The following ZFHX2 variants were observed in gnomAD, a reference collection of about 807,000 sequenced individuals.
ZFHX2 encodes the protein zinc finger homeobox 2.
Under a neutral mutation model 164.8 loss-of-function variants are expected in ZFHX2, and 75 were observed. That is an observed-to-expected ratio of 0.46 (90% CI 0.38 to 0.55). The LOEUF (loss-of-function observed/expected upper bound fraction) is 0.55, where lower values mean the gene tolerates loss of function less well. Ranked by LOEUF, ZFHX2 falls within the 20% of genes least tolerant of loss-of-function variation. The probability of loss-of-function intolerance (pLI) is 0.00; values close to 1 mark genes in which losing one functional copy is unlikely to be tolerated. For synonymous variants in ZFHX2, 1,217 were observed against 1,351.4 expected, an observed-to-expected ratio of 0.90 and a Z score of 2.18; for missense variants, 2,933 against 3,308.0, an observed-to-expected ratio of 0.89 and a Z score of 2.78.
In ZFHX2 at chr14:23,523,745, C is replaced by G. The variant is rs781082212; in HGVS notation, c.6197G>C (p.Arg2066Pro). The change falls in exon 9 of 10, where the codon CGG (arginine) becomes CCG (proline). Residue 2066 changes from arginine to proline, a missense_variant. Coordinates refer to ENST00000419474, the MANE Select transcript of ZFHX2 (RefSeq NM_033400.3). This position sits in a 1 kb window ranked among gnomAD's most constrained non-coding sequence, Gnocchi z 4.1. ...GCTGCTCATCTGGGTCCTGTAGCGC[C>G]GCTGCCCCATTCCATCTGGAACCCC... is the stretch of plus-strand genomic sequence containing the variant. ...GTGVPDGMGQ[R>P]RYRTQMSSLQ... 1.4e-5 allele frequency: 22 copies of G among 1,536,270 alleles called. No individual in the cohort carries two copies. The highest frequency in any genetic ancestry group is 1.9e-5 in the Non-Finnish European group (22 of 1,146,940).
rs527256912 is a variant in ZFHX2 at position 23,532,894 on chromosome 14, G to C, written c.2232C>G (p.Ser744Arg). 1.3e-6 allele frequency: 2 copies of C among 1,536,102 alleles called. No individual in the cohort carries two copies. The highest frequency in any genetic ancestry group is 1.7e-6 in the Non-Finnish European group (2 of 1,146,942). The change falls in exon 3 of 10, where the codon AGC (serine) becomes AGG (arginine). Residue 744 changes from serine (S) to arginine (R), a missense_variant. Coordinates refer to ENST00000419474, the MANE Select transcript of ZFHX2 (RefSeq NM_033400.3). ...LLLYHCSIGR[S>R]LPEAEWKEVA... Reference sequence around the variant, plus strand: ...CCTCCTTCCATTCAGCTTCCGGGAGGCTCCGGCCTATGCTGCAGTGGTAGA... The same window carrying C: ...CCTCCTTCCATTCAGCTTCCGGGAGCCTCCGGCCTATGCTGCAGTGGTAGA...
Position 23,533,829 on chromosome 14 carries a change from C to T in ZFHX2, c.1497G>A (p.Glu499=). 6.5e-7 allele frequency: 1 copy of T among 1,542,350 alleles called. No individual in the cohort carries two copies. The highest frequency in any genetic ancestry group is 8.7e-7 in the Non-Finnish European group (1 of 1,150,002). The change falls in exon 2 of 10, where the codon GAG becomes GAA. Residue 499 remains glutamate (E), a synonymous_variant. Coordinates refer to ENST00000419474, the MANE Select transcript of ZFHX2 (RefSeq NM_033400.3). This position sits in a 1 kb window ranked among gnomAD's most constrained non-coding sequence, Gnocchi z 4.8. Reference sequence around the variant, plus strand: ...AGGGTTTGTAGCCACAGTTGTAGCTCTCTCCACGAGCAAGGCGGGGGTGGG... The same window carrying T: ...AGGGTTTGTAGCCACAGTTGTAGCTTTCTCCACGAGCAAGGCGGGGGTGGG... ...GGAHPRLARG[E]SYNCGYKPYR...
rs1881892271 is a variant in ZFHX2 at position 23,551,001 on chromosome 14, C to T, written c.-50+342G>A. Among the ~76,000 whole-genome samples, 1 of 152,016 alleles carries T rather than the reference C, an allele frequency of 6.6e-6. No homozygotes were observed. The highest frequency in any genetic ancestry group is 1.5e-5 in the Non-Finnish European group (1 of 68,006). Reference sequence around the variant, plus strand: ...GATCCCCGCTCCCTGCCCAACTCGGCGCGGTCCGTCTAGGCTTTCCATACC... The same window carrying T: ...GATCCCCGCTCCCTGCCCAACTCGGTGCGGTCCGTCTAGGCTTTCCATACC... On this transcript the variant is annotated intron_variant, in intron 1 of 9. Coordinates refer to ENST00000419474, the MANE Select transcript of ZFHX2 (RefSeq NM_033400.3). This position sits in a 1 kb window ranked among gnomAD's most constrained non-coding sequence, Gnocchi z 5.3.
At chr14:23,554,502 G>T (rs1025459463), upstream of ZFHX2, among the ~76,000 whole-genome samples, 14 of 151,782 alleles carry the variant, frequency 9.2e-5, no homozygotes, top group Non-Finnish European at 1.6e-4. Context: ...TCAACCTCCT[G>T]AGCAGCTGGG....
chr14:23,555,184 C>CG (rs372914214), upstream of ZFHX2, among the ~76,000 whole-genome samples: 1,709 of 151,834 alleles, frequency 0.011, 24 homozygotes, highest in African/African-American at 0.034. Context: ...GACGGCGGGC[C>CG]GGGGGGGTTT....
At chr14:23,528,648 C>T in intron 6 of ZFHX2, 3 of 985,428 alleles carry the variant, frequency 3.0e-6, no homozygotes, top group Non-Finnish European at 3.6e-6. Context: ...CAGAAGCCAG[C>T]TCATCCTCCC....
intron 1 of ZFHX2, among the ~76,000 whole-genome samples, chr14:23,547,311 T>A (rs1029310295): frequency 2.6e-5 from 4 of 152,256 alleles, no homozygotes; most frequent in Admixed American, 6.5e-5. Context: ...GTGTTTAGAA[T>A]GGGTCTGGTA....
At chr14:23,553,880 C>A (rs373390067), upstream of ZFHX2, among the ~76,000 whole-genome samples, 1 of 151,758 alleles carries the variant, frequency 6.6e-6, no homozygotes, top group African/African-American at 2.4e-5. Context: ...GGCGACAAAG[C>A]GAGACTCCGT....
rs548220491 is a variant in ZFHX2, at chr14:23,532,866, C to T, written c.2260G>A (p.Ala754Thr). 9.1e-6 allele frequency: 14 copies of T among 1,536,196 alleles called. No homozygotes were observed. In the South Asian group the frequency reaches 1.7e-4, roughly 18 times the overall value. The change falls in exon 3 of 10, where the codon GCT becomes ACT. Residue 754 changes from alanine (A) to threonine (T), a missense_variant. Transcript: ENST00000419474. ...SLPEAEWKEV[A>T]GDTHRCKLCC... ...AGCTTGCAGCGGTGGGTGTCACCAG[C>T]CACCTCCTTCCATTCAGCTTCCGGG...
Position 23,533,372 on chromosome 14 carries a change from G to A in ZFHX2, c.1954C>T (p.Leu652=). The change falls in exon 2 of 10, where the codon CTG becomes TTG. Residue 652 remains leucine, a synonymous_variant. Transcript: ENST00000419474. The surrounding 1 kb of genome is among the most constrained non-coding windows in gnomAD (Gnocchi z 4.8). ...QPQTPLAGPG[L]RPDKPLEAQL... is the part of the protein sequence containing the mutation. ...GCTTCCAGGGGCTTGTCTGGCCTCA[G>A]CCCCGGGCCAGCCAAGGGAGTCTGA... is the stretch of plus-strand genomic sequence containing the variant. 1 of 1,454,682 alleles carries A rather than the reference G, an allele frequency of 6.9e-7. No homozygotes were observed. The highest frequency in any genetic ancestry group is 9.0e-7 in the Non-Finnish European group (1 of 1,107,338). The allele number at this position is 1,454,682 out of a possible 1,614,324, so 90.1% of individuals were successfully genotyped here.
chr14:23,534,794 T>A lies in ZFHX2; in HGVS notation c.532A>T (p.Ile178Phe). The A allele has an allele frequency of 3.9e-6, 6 of 1,536,048 alleles. No individual in the cohort carries two copies. The highest frequency in any genetic ancestry group is 4.4e-6 in the Non-Finnish European group (5 of 1,146,858). Residue 178 changes from isoleucine (I) to phenylalanine (F), a missense_variant, in exon 2 of 10, where the codon ATC (isoleucine) becomes TTC (phenylalanine). By Grantham distance (21) the Ile-to-Phe change is conservative. Transcript: ENST00000419474. The surrounding 1 kb of genome is among the most constrained non-coding windows in gnomAD (Gnocchi z 4.5). Reference sequence around the variant, plus strand: ...TGGTCAGAAGAGCTAAAGCCTTGGATTGGGTCAAAGCCATGTTGGATGTGA... The same window carrying A: ...TGGTCAGAAGAGCTAAAGCCTTGGAATGGGTCAAAGCCATGTTGGATGTGA... ...ALHIQHGFDP[I>F]QGFSSSDQIL...
intron 1 of ZFHX2, chr14:23,542,256 G>A (rs1880901266): frequency 6.6e-6 from 1 of 152,572 alleles, no homozygotes; most frequent in South Asian, 2.1e-4. Context: ...GATGCTTAAG[G>A]TGGGCATGAG....
chr14:23,531,781 CT>C (rs757963386), intron 3 of ZFHX2, 60 bp from the exon 4 acceptor site: 33,851 of 960,202 alleles, frequency 0.035, no homozygotes, highest in East Asian at 0.047. Context: ...CCTCAGGGGA[CT>C]TTTTTTTTTT....
At chr14:23,547,856 A>G (rs1361249877) in intron 1 of ZFHX2, among the ~76,000 whole-genome samples, 1 of 152,190 alleles carries the variant, frequency 6.6e-6, no homozygotes, top group Admixed American at 6.5e-5. Flanking sequence ...CTGGAAAACA[A>G]TTGGAAACTA....
intron 3 of ZFHX2, chr14:23,531,929 C>A: frequency 3.8e-6 from 2 of 527,672 alleles, no homozygotes; most frequent in Non-Finnish European, 5.7e-6. Context: ...GGCATGCGCA[C>A]CACACCTGGC....
At position 23,523,042 on chromosome 14, in the gene ZFHX2, G is replaced by A. The variant is rs548539062; in HGVS notation, c.6740-101C>T. 221 of 1,404,314 alleles carry A rather than the reference G, an allele frequency of 1.6e-4. No homozygotes were observed. Among genetic ancestry groups the A allele is most frequent in the Non-Finnish European group, 1.8e-4 (190 of 1,083,730 alleles). The allele number at this position is 1,404,314 out of a possible 1,614,324, so 87.0% of individuals were successfully genotyped here. A position where few individuals can be genotyped will look rare whatever the true frequency, so the allele number is the denominator to read the frequency against. ...GCCACACACACCCGTTCCCAGCACC[G>A]GATTTCCATGCCCCTTCCCTCCCTT... On this transcript the variant is annotated intron_variant, in intron 9 of 9. Transcript: ENST00000419474. This position sits in a 1 kb window ranked among gnomAD's most constrained non-coding sequence, Gnocchi z 4.1.
At chr14:23,527,042 C>G (rs1009345413) in intron 7 of ZFHX2, 69 bp from the exon 8 acceptor site, 1 of 1,440,630 alleles carries the variant, frequency 6.9e-7, no homozygotes, top group Non-Finnish European at 9.1e-7. Context: ...CCTGACCCAT[C>G]TGCCCTACAC....
chr14:23,538,065 C>T (rs903701195), intron 1 of ZFHX2: 2 of 152,392 alleles, frequency 1.3e-5, no homozygotes, highest in Non-Finnish European at 2.9e-5. Flanking sequence ...AGCCCCAAAT[C>T]CTACAGTAAC....
intron 1 of ZFHX2, among the ~76,000 whole-genome samples, chr14:23,547,102 G>A (rs1881472991): frequency 1.3e-5 from 2 of 152,210 alleles, no homozygotes; most frequent in African/African-American, 4.8e-5. Context: ...GAGTTGTGGT[G>A]AGTTTTACAT....
Sources: gnomAD v4.1 joint callset for allele counts (sites outside exome capture counted in the v4.1 genomes callset) on GRCh38, gnomAD v4.1.1 for gene constraint, Gnocchi (gnomAD v3.1) non-coding constraint, MANE v1.5 for transcripts, NCBI Gene and HGNC (gene_info 2026-07-23, HGNC 2026-07-21) for gene names.